Variants in PCED1B observed in about 807,000 individuals in gnomAD.
The protein encoded by PCED1B is PC-esterase domain-containing protein 1B.
For missense variants in PCED1B, 573 were observed against 573.9 expected (o/e 1.00, Z 0.02); for synonymous variants, 251 against 246.1 (o/e 1.02, Z -0.19).
Position 47,232,905 on chromosome 12 carries a change from TTTTATTTATTTA to T in PCED1B, c.-57-2073_-57-2062del, listed in dbSNP as rs66480040. 4.6e-3 allele frequency among the ~76,000 whole-genome samples: 663 copies of T among 144,312 alleles called. 4 individuals are homozygous for T. The highest frequency in any genetic ancestry group is 6.3e-3 in the South Asian group (28 of 4,458). 94.7% of individuals were successfully genotyped at this position (144,312 alleles called of 152,430 possible). ...TGTTGCCAAGATACAGACCTAGAAA[TTTTATTTATTTA>T]TTTATTTATTTATTTATTTATTTAT... On this transcript the variant is annotated intron_variant, in intron 3 of 3. Transcript: ENST00000546455.
chr12:47,166,851 C>T (rs959446850), intron 2 of PCED1B, among the ~76,000 whole-genome samples: 1 of 152,104 alleles, frequency 6.6e-6, no homozygotes, highest in Non-Finnish European at 1.5e-5. Flanking sequence ...AAACAAATAA[C>T]AGACAGATTA....
At chr12:47,133,285 A>T (rs1048230198) in intron 2 of PCED1B, among the ~76,000 whole-genome samples, 2 of 152,164 alleles carry the variant, frequency 1.3e-5, no homozygotes, top group African/African-American at 4.8e-5. Flanking sequence ...TGTGGTAGGG[A>T]TTGTACTCAG....
intron 2 of PCED1B, among the ~76,000 whole-genome samples, chr12:47,125,269 G>T (rs1210904223): frequency 6.6e-6 from 1 of 151,898 alleles, no homozygotes; most frequent in Non-Finnish European, 1.5e-5. Context: ...TGAAAAAACT[G>T]CCCTTTCTCT....
chr12:47,107,818 G>C (rs1458018327), intron 2 of PCED1B, among the ~76,000 whole-genome samples: 1 of 152,222 alleles, frequency 6.6e-6, no homozygotes, highest in Non-Finnish European at 1.5e-5. Context: ...TGGTAGAAAA[G>C]TAAATATGTC....
At chr12:47,082,085 C>A (rs1937760094) in intron 1 of PCED1B, among the ~76,000 whole-genome samples, 1 of 152,178 alleles carries the variant, frequency 6.6e-6, no homozygotes, top group South Asian at 2.1e-4. Context: ...AAGAGTTGAT[C>A]TTAAGGTATA....
intron 3 of PCED1B, among the ~76,000 whole-genome samples, chr12:47,230,202 A>G (rs1219051619): frequency 7.1e-6 from 1 of 141,062 alleles, no homozygotes; most frequent in Non-Finnish European, 1.5e-5. Context: ...CTCCTGCCTC[A>G]GCCTCCCGAG....
Position 47,235,805 on chromosome 12 carries a change from G to A in PCED1B, c.742G>A (p.Val248Met), listed in dbSNP as rs1313195013. 1 of 1,578,048 alleles carries A rather than the reference G, an allele frequency of 6.3e-7. No homozygotes were observed. Among genetic ancestry groups the A allele is most frequent in the Non-Finnish European group, 8.6e-7 (1 of 1,162,014 alleles). Reference protein sequence around the residue: ...RCLSQLLLAHVADAWGVELPH... With the variant: ...RCLSQLLLAHMADAWGVELPH... ...CCTCTCCCAGCTGCTGCTGGCCCAC[G>A]TGGCCGACGCCTGGGGTGTGGAGCT... The change falls in exon 4 of 4, where the codon GTG (valine) becomes ATG (methionine). Residue 248 changes from valine to methionine, a missense_variant. Physicochemically the swap from Val to Met is conservative, Grantham distance 21. Coordinates refer to ENST00000546455, the MANE Select transcript of PCED1B (RefSeq NM_138371.3).
At chr12:47,104,805 C>A (rs1172614081) in intron 2 of PCED1B, among the ~76,000 whole-genome samples, 1 of 152,140 alleles carries the variant, frequency 6.6e-6, no homozygotes, top group Non-Finnish European at 1.5e-5. Flanking sequence ...GGTGAAGCCA[C>A]CCACAGCAGC....
chr12:47,118,805 G>A (rs1313785114), intron 2 of PCED1B, among the ~76,000 whole-genome samples: 1 of 152,068 alleles, frequency 6.6e-6, no homozygotes, highest in African/African-American at 2.4e-5. Context: ...TCACGATATT[G>A]ATTCTTCCTA....
At chr12:47,183,992 C>T (rs1043690151) in intron 2 of PCED1B, among the ~76,000 whole-genome samples, 20 of 152,240 alleles carry the variant, frequency 1.3e-4, no homozygotes, top group African/African-American at 4.6e-4. Context: ...GGAAAATAGA[C>T]CATTAGGTAC....
intron 2 of PCED1B, among the ~76,000 whole-genome samples, chr12:47,153,298 A>C (rs1941068116): frequency 1.3e-5 from 2 of 148,216 alleles, no homozygotes; most frequent in South Asian, 2.2e-4. Flanking sequence ...TACAGTGAGC[A>C]GAGATTGCAC....
chr12:47,232,706 TG>T lies in PCED1B; in HGVS notation c.-57-2300del, dbSNP rs534148692. 4.8e-3 allele frequency among the ~76,000 whole-genome samples: 729 copies of T among 152,272 alleles called. 2 individuals are homozygous for T. Among genetic ancestry groups the T allele is most frequent in the African/African-American group, 0.016 (680 of 41,554 alleles). On this transcript the variant is annotated intron_variant, in intron 3 of 3. Transcript: ENST00000546455. ...TTGTAAATGGCAACTTGAAATAATC[TG>T]AAGTTTTGAAGATGAGTTTCACAGT...
chr12:47,221,263 C>T (rs1235671518), intron 3 of PCED1B, among the ~76,000 whole-genome samples: 1 of 151,400 alleles, frequency 6.6e-6, no homozygotes, highest in African/African-American at 2.4e-5. Flanking sequence ...ATATATATTG[C>T]AACATTCCCC....
At chr12:47,203,720 G>C (rs907203109) in intron 2 of PCED1B, among the ~76,000 whole-genome samples, 1 of 152,146 alleles carries the variant, frequency 6.6e-6, no homozygotes, top group Non-Finnish European at 1.5e-5. Flanking sequence ...TTACTGATGG[G>C]CATTTAGGTT....
intron 2 of PCED1B, chr12:47,135,785 C>A: frequency 1.9e-6 from 1 of 518,976 alleles, no homozygotes; most frequent in Non-Finnish European, 3.9e-6. Flanking sequence ...ACGCTGGAGG[C>A]ACAGGGTTGT....
intron 3 of PCED1B, among the ~76,000 whole-genome samples, chr12:47,221,424 T>C (rs1943475030): frequency 6.6e-6 from 1 of 150,570 alleles, no homozygotes; most frequent in South Asian, 2.1e-4. Context: ...GTGATCCTCC[T>C]GCCTAAGCTT....
At chr12:47,087,933 T>C (rs2137157751) in intron 1 of PCED1B, among the ~76,000 whole-genome samples, 1 of 152,336 alleles carries the variant, frequency 6.6e-6, no homozygotes, top group East Asian at 1.9e-4. Context: ...AAACACCTTC[T>C]AATTAAATGC....
Position 47,217,470 on chromosome 12 carries a change from G to GAGGAAAGAAAGAAAGAAAGAA in PCED1B, c.-58+783_-58+784insGAAAGAAAGAAAGAAAGAAAG, listed in dbSNP as rs1292085211. 4.4e-5 allele frequency among the ~76,000 whole-genome samples: 4 copies of GAGGAAAGAAAGAAAGAAAGAA among 90,920 alleles called. 1 individual carries two copies. The highest frequency in any genetic ancestry group is 1.5e-4 in the African/African-American group (3 of 20,148). The allele number at this position is 90,920 out of a possible 152,430, so 59.6% of individuals were successfully genotyped here. On this transcript the variant is annotated intron_variant, in intron 3 of 3. Coordinates refer to ENST00000546455, the MANE Select transcript of PCED1B (RefSeq NM_138371.3). ...AAAGAAAGAAAGAAAAAGAAAGAAA[G>GAGGAAAGAAAGAAAGAAAGAA]AGAAAGAAAGAAAGAAAGAAAGAAA...
chr12:47,195,806 T>G (rs117156640), intron 2 of PCED1B, among the ~76,000 whole-genome samples: 1 of 152,280 alleles, frequency 6.6e-6, no homozygotes, highest in Non-Finnish European at 1.5e-5. Flanking sequence ...ATTTTATGTA[T>G]AGTTAAATAT....
Sources: allele counts gnomAD v4.1 joint callset (sites outside exome capture counted in the v4.1 genomes callset), GRCh38; gene constraint gnomAD v4.1.1; transcripts MANE v1.5; gene names NCBI Gene and HGNC (gene_info 2026-07-23, HGNC 2026-07-21).